The following SLC7A13 variants were observed in gnomAD, a reference collection of about 807,000 sequenced individuals.
SLC7A13 encodes solute carrier family 7 member 13, also known as X-amino acid transporter 2.
In SLC7A13, 31 loss-of-function variants were observed where a neutral mutation model predicts 32.0. The ratio of observed to expected loss-of-function variants is 0.97; its 90% CI spans 0.73 to 1.31. The LOEUF is 1.31. Among genes scored for constraint, SLC7A13 ranks in the 50% most tolerant of loss-of-function variants. The pLI is 0.00. For missense variants in SLC7A13, 633 were observed against 546.9 expected (o/e 1.16, Z -1.57); for synonymous variants, 232 against 206.9 (o/e 1.12, Z -1.04).
chr8:86,219,248 C>A (rs1406964428), intron 2 of SLC7A13, among the ~76,000 whole-genome samples: 1 of 152,060 alleles, frequency 6.6e-6, no homozygotes, highest in African/African-American at 2.4e-5. Context: ...TCCAGTAAGG[C>A]AAAGGAAATT....
intron 1 of SLC7A13, 85 bp from the exon 2 acceptor site, chr8:86,223,188 T>C (rs1428394604): frequency 1.5e-6 from 2 of 1,304,760 alleles, no homozygotes; most frequent in Non-Finnish European, 1.0e-6. Flanking sequence ...TTTGTATTTG[T>C]ATAAATTAAT....
intron 2 of SLC7A13, among the ~76,000 whole-genome samples, chr8:86,220,154 C>T (rs980799946): frequency 6.6e-6 from 1 of 152,146 alleles, no homozygotes; most frequent in Admixed American, 6.6e-5. Context: ...ACCTCAGCTT[C>T]TGCTTCCATA....
In SLC7A13 at chr8:86,229,739, A is replaced by G. The variant is rs1401002885; in HGVS notation, c.539T>C (p.Val180Ala). The G allele has an allele frequency of 6.2e-7, 1 of 1,614,078 alleles. No individual in the cohort carries two copies. The highest frequency in any genetic ancestry group is 1.3e-5 in the African/African-American group (1 of 74,934). ...CTCCTTTTTCCCTCTTATCAGGAAC[A>G]CTACTCCAGTTAGGGAAATGAAGCT... ...ILSFISLTGV[V>A]FLIRGKKENV... Residue 180 changes from valine to alanine, a missense_variant, in exon 1 of 4, where the codon GTG becomes GCG. Physicochemically the swap from Val to Ala is moderately conservative, Grantham distance 64. Transcript: ENST00000297524.
chr8:86,223,054 C>G lies in SLC7A13; in HGVS notation c.735G>C (p.Ala245=). ...RTTIPKCIFT[A]LPLVTVVYLL... Reference sequence around the variant, plus strand: ...AATAAACTACAGTCACCAGAGGTAACGCAGTAAATATGCATTTGGGAATTG... The same window carrying G: ...AATAAACTACAGTCACCAGAGGTAAGGCAGTAAATATGCATTTGGGAATTG... Residue 245 remains alanine, a synonymous_variant, in exon 2 of 4, where the codon GCG becomes GCC. Transcript: ENST00000297524. 6.2e-7 allele frequency: 1 copy of G among 1,606,158 alleles called. No individual in the cohort carries two copies.
At chr8:86,223,205 C>T in intron 1 of SLC7A13, 102 bp from the exon 2 acceptor site, 4 of 1,173,106 alleles carry the variant, frequency 3.4e-6, no homozygotes, top group South Asian at 3.7e-5. Context: ...TAATGGGGTA[C>T]AAGCATGATT....
rs78405469 is a variant in SLC7A13 at position 86,215,850 on chromosome 8, T to C, written c.1180-1204A>G. ...ATACAAGACAAATTTCAGCCACTTG[T>C]ACTTAAGGCTGCCCTTGCCTTCCTT... On this transcript the variant is annotated intron_variant, in intron 3 of 3. Coordinates refer to ENST00000297524, the MANE Select transcript of SLC7A13 (RefSeq NM_138817.3). Among the ~76,000 whole-genome samples, 162 of 152,306 alleles carry C rather than the reference T, an allele frequency of 1.1e-3. 1 individual carries two copies. Among genetic ancestry groups the C allele is most frequent in the African/African-American group, 3.7e-3 (153 of 41,580 alleles).
chr8:86,226,148 A>G (rs1820386380), intron 1 of SLC7A13, among the ~76,000 whole-genome samples: 1 of 152,190 alleles, frequency 6.6e-6, no homozygotes, highest in Non-Finnish European at 1.5e-5. Context: ...TTCTGTAAGT[A>G]TATTTTCAGC....
chr8:86,219,224 C>T (rs1181790240), intron 2 of SLC7A13, among the ~76,000 whole-genome samples: 1 of 152,104 alleles, frequency 6.6e-6, no homozygotes, highest in Non-Finnish European at 1.5e-5. Context: ...AGTCACATTT[C>T]CAAAATATTT....
At chr8:86,226,643 C>T (rs1226243383) in intron 1 of SLC7A13, among the ~76,000 whole-genome samples, 1 of 152,164 alleles carries the variant, frequency 6.6e-6, no homozygotes, top group Non-Finnish European at 1.5e-5. Context: ...CCGTTTCATC[C>T]TTCGTCTCTA....
intron 3 of SLC7A13, among the ~76,000 whole-genome samples, chr8:86,214,879 A>G (rs1303373821): frequency 6.6e-6 from 1 of 152,208 alleles, no homozygotes; most frequent in Non-Finnish European, 1.5e-5. Context: ...TTGACTGCTC[A>G]TGAATGGAAA....
chr8:86,218,476 T>A (rs978686131), intron 2 of SLC7A13, among the ~76,000 whole-genome samples: 1 of 152,096 alleles, frequency 6.6e-6, no homozygotes, highest in Non-Finnish European at 1.5e-5. Flanking sequence ...ATCTGGAGAC[T>A]TTTTTGGCTG....
intron 1 of SLC7A13, among the ~76,000 whole-genome samples, chr8:86,227,908 G>A (rs1159544428): frequency 6.6e-6 from 1 of 152,148 alleles, no homozygotes. Context: ...GATATACAGA[G>A]GAAATTGTGA....
At position 86,220,350 on chromosome 8, in the gene SLC7A13, A is replaced by T. The variant is rs150583446; in HGVS notation, c.818-2519T>A. 1.1e-3 allele frequency among the ~76,000 whole-genome samples: 162 copies of T among 152,218 alleles called. 1 individual carries two copies. Among genetic ancestry groups the T allele is most frequent in the African/African-American group, 3.7e-3 (153 of 41,540 alleles). On this transcript the variant is annotated intron_variant, in intron 2 of 3. Transcript: ENST00000297524. ...GGGCTCCTCACTAAGGCATTTCCAT[A>T]CACCTTTTTCTAGAAGAACACCCTT...
chr8:86,230,331 G>A lies in SLC7A13; in HGVS notation c.-54C>T. 1.4e-6 allele frequency: 2 copies of A among 1,420,210 alleles called. No homozygotes were observed. Among genetic ancestry groups the A allele is most frequent in the African/African-American group, 1.4e-5 (1 of 69,534 alleles). 88.0% of individuals were successfully genotyped at this position (1,420,210 alleles called of 1,614,324 possible). On this transcript the variant is annotated 5_prime_UTR_variant, in exon 1 of 4. Transcript: ENST00000297524. ...TAAATTACAATTTCTAGATTTTCCT[G>A]CCTATGTAGCTGCAAAGGATGTTGA...
In SLC7A13 at chr8:86,217,673, G is replaced by A; in HGVS notation, c.976C>T (p.Leu326=). 6.2e-7 allele frequency: 1 copy of A among 1,613,458 alleles called. No homozygotes were observed. ...LASQEGQLPL[L]FNTLNSHSSP... ...GAGTGACTATTAAGTGTATTAAATA[G>A]CAAAGGCAGCTGGCCCTCTTGGCTT... Residue 326 remains leucine, a synonymous_variant, in exon 3 of 4, where the codon CTA becomes TTA. Transcript: ENST00000297524.
intron 1 of SLC7A13, among the ~76,000 whole-genome samples, chr8:86,226,863 A>G (rs1283528830): frequency 1.3e-5 from 2 of 152,150 alleles, no homozygotes; most frequent in Non-Finnish European, 2.9e-5. Flanking sequence ...TTCAATTCAA[A>G]TTGCCACTTT....
rs1169477372 is a variant in SLC7A13, at chr8:86,217,657, T to C, written c.992A>G (p.Asn331Ser). 3 of 1,613,324 alleles carry C rather than the reference T, an allele frequency of 1.9e-6. No homozygotes were observed. The African/African-American group carries it at 4.0e-5, about 22-fold the overall frequency. Residue 331 changes from asparagine (N) to serine (S), a missense_variant, in exon 3 of 4, where the codon AAT becomes AGT. Transcript: ENST00000297524. Reference protein sequence around the residue: ...GQLPLLFNTLNSHSSPFTAVL... With the variant: ...GQLPLLFNTLSSHSSPFTAVL... ...AGCTGTAAATGGAGAAGAGTGACTATTAAGTGTATTAAATAGCAAAGGCAG... is the reference window on the plus strand; with the variant it reads ...AGCTGTAAATGGAGAAGAGTGACTACTAAGTGTATTAAATAGCAAAGGCAG...
chr8:86,217,854 A>T (rs1463915227), intron 2 of SLC7A13, 23 bp from the exon 3 acceptor site: 2 of 1,512,236 alleles, frequency 1.3e-6, no homozygotes, highest in East Asian at 4.6e-5. Flanking sequence ...AAAAATACAC[A>T]AAAGAAAATG....
rs35483917 is a variant in SLC7A13, at chr8:86,229,259, G to T, written c.685+334C>A. 2.6e-3 allele frequency among the ~76,000 whole-genome samples: 394 copies of T among 152,162 alleles called. 2 individuals carry two copies. Among genetic ancestry groups the T allele is most frequent in the African/African-American group, 8.0e-3 (333 of 41,486 alleles). ...ATAGTCTGGCATTGGATCATTCCTG[G>T]ATTTACAGTTTCATGGGTGAGGAAT... On this transcript the variant is annotated intron_variant, in intron 1 of 3. Transcript: ENST00000297524.
Sources: gnomAD v4.1 joint callset for allele counts (sites outside exome capture counted in the v4.1 genomes callset) on GRCh38, gnomAD v4.1.1 for gene constraint, MANE v1.5 for transcripts, NCBI Gene and HGNC (gene_info 2026-07-23, HGNC 2026-07-21) for gene names.